KIF18A: variants seen among roughly 807,000 people sequenced by gnomAD.
KIF18A encodes the protein kinesin family member 18A.
KIF18A carries 67 observed loss-of-function variants against 103.3 expected under a neutral mutation model. That is an observed-to-expected ratio of 0.65 (90% CI 0.53 to 0.79). The LOEUF is 0.79. Among genes scored for constraint, KIF18A ranks in the 30% least tolerant of loss-of-function variants. The pLI is 0.00. For synonymous variants in KIF18A, 367 were observed against 355.5 expected (o/e 1.03, Z -0.36); for missense variants, 1,032 against 1,062.5 (o/e 0.97, Z 0.40).
At position 28,087,769 on chromosome 11, in the gene KIF18A, T is replaced by C. The variant is rs186637344; in HGVS notation, c.897+755A>G. On this transcript the variant is annotated intron_variant, in intron 6 of 16. Transcript: ENST00000263181. Reference sequence around the variant, plus strand: ...CATCTGTTGTTTCCTGACTTTTTAATGATCGCCATTCTAACTGGCATGAGA... The same window carrying C: ...CATCTGTTGTTTCCTGACTTTTTAACGATCGCCATTCTAACTGGCATGAGA... Among the ~76,000 whole-genome samples the C allele has an allele frequency of 2.2e-3, 337 of 152,326 alleles. 2 individuals are homozygous for C. The highest frequency in any genetic ancestry group is 1.5e-3 in the East Asian group (8 of 5,180).
intron 9 of KIF18A, among the ~76,000 whole-genome samples, chr11:28,079,363 CAG>C (rs1295170725): frequency 6.6e-6 from 1 of 151,904 alleles, no homozygotes; most frequent in Non-Finnish European, 1.5e-5. Flanking sequence ...AATACTATAT[CAG>C]AGTTAAAAGT....
intron 1 of KIF18A, among the ~76,000 whole-genome samples, chr11:28,101,783 T>C (rs1281111129): frequency 6.6e-6 from 1 of 152,166 alleles, no homozygotes; most frequent in African/African-American, 2.4e-5. Context: ...CAGTGCTTTA[T>C]AAGACTATAA....
chr11:28,095,014 C>T (rs1005442539), intron 2 of KIF18A, among the ~76,000 whole-genome samples: 2 of 152,110 alleles, frequency 1.3e-5, no homozygotes, highest in African/African-American at 4.8e-5. Context: ...ATCACTACCC[C>T]CGGCCCCCCA....
intron 1 of KIF18A, 127 bp from the exon 2 acceptor site, chr11:28,098,120 G>A (rs1851399266): frequency 3.7e-6 from 2 of 536,380 alleles, no homozygotes; most frequent in Non-Finnish European, 6.5e-6. Context: ...AACACTGGGG[G>A]AAAAATACAT....
At chr11:28,074,922 G>A (rs1379635784) in intron 10 of KIF18A, among the ~76,000 whole-genome samples, 1 of 151,924 alleles carries the variant, frequency 6.6e-6, no homozygotes, top group Non-Finnish European at 1.5e-5. Context: ...AATGAATATC[G>A]AAACTGGGGA....
intron 1 of KIF18A, among the ~76,000 whole-genome samples, chr11:28,101,338 T>C (rs1851444269): frequency 6.6e-6 from 1 of 152,228 alleles, no homozygotes; most frequent in African/African-American, 2.4e-5. Context: ...AGATTAAATA[T>C]ACATAAATGA....
In KIF18A at chr11:28,095,942, T is replaced by A. The variant is rs117192408; in HGVS notation, c.326-1142A>T. Among the ~76,000 whole-genome samples, 204 of 151,132 alleles carry A rather than the reference T, an allele frequency of 1.3e-3. 4 individuals carry two copies. The East Asian group carries it at 0.033, about 25-fold the overall frequency. Reference sequence around the variant, plus strand: ...GGGAGGATTGCTTAAGCCCAGCAGGTTGAGGCTGCAGTGAGCTGTGATTGT... The same window carrying A: ...GGGAGGATTGCTTAAGCCCAGCAGGATGAGGCTGCAGTGAGCTGTGATTGT... On this transcript the variant is annotated intron_variant, in intron 2 of 16. Coordinates refer to ENST00000263181, the MANE Select transcript of KIF18A (RefSeq NM_031217.4).
intron 10 of KIF18A, among the ~76,000 whole-genome samples, chr11:28,072,599 CACCCAATA>C (rs1310366055): frequency 2.6e-5 from 4 of 152,036 alleles, no homozygotes. Context: ...GGGTTAACTA[CACCCAATA>C]ACTCAAGAGT....
intron 1 of KIF18A, among the ~76,000 whole-genome samples, chr11:28,103,626 A>G (rs12270335): frequency 0.15 from 23,107 of 152,104 alleles, 1,908 homozygotes; most frequent in East Asian, 0.28. Flanking sequence ...CTATTCTCTC[A>G]TAGAGAGTCT....
chr11:28,107,500 C>T (rs1055405783), intron 1 of KIF18A, among the ~76,000 whole-genome samples: 1 of 152,158 alleles, frequency 6.6e-6, no homozygotes, highest in African/African-American at 2.4e-5. Flanking sequence ...TCATCTGATC[C>T]TCGGCAATCC....
chr11:28,084,108 TACAG>T (rs1851198324), intron 7 of KIF18A, among the ~76,000 whole-genome samples: 1 of 152,124 alleles, frequency 6.6e-6, no homozygotes, highest in Non-Finnish European at 1.5e-5. Flanking sequence ...TCTGGAGAAA[TACAG>T]AGATTGGTAC....
At chr11:28,034,802 G>C (rs1850461148) in intron 15 of KIF18A, among the ~76,000 whole-genome samples, 1 of 151,684 alleles carries the variant, frequency 6.6e-6, no homozygotes, top group African/African-American at 2.4e-5. Context: ...GCTGTCTATA[G>C]CATGTTTCTC....
intron 9 of KIF18A, 66 bp downstream of exon 9, chr11:28,082,785 TTAACA>T: frequency 1.1e-6 from 1 of 893,646 alleles, no homozygotes; most frequent in Middle Eastern, 2.9e-4. Flanking sequence ...CAAATGATAA[TTAACA>T]TAAAATACTT....
chr11:28,102,805 C>A lies in KIF18A; in HGVS notation c.-46-4812G>T, dbSNP rs190287259. On this transcript the variant is annotated intron_variant, in intron 1 of 16. Coordinates refer to ENST00000263181, the MANE Select transcript of KIF18A (RefSeq NM_031217.4). ...ATTAATCTATGTTCAAATATACTTA[C>A]ATCTGCAGGAATTAATGAGATCGTT... Among the ~76,000 whole-genome samples the A allele has an allele frequency of 1.6e-4, 25 of 152,286 alleles. No homozygotes were observed. In the East Asian group the frequency reaches 4.2e-3, roughly 26 times the overall value.
chr11:28,085,933 A>G (rs955966229), intron 6 of KIF18A, among the ~76,000 whole-genome samples: 2 of 152,206 alleles, frequency 1.3e-5, no homozygotes, highest in African/African-American at 4.8e-5. Context: ...AGAATCTTAC[A>G]GGATTATTCA....
intron 13 of KIF18A, among the ~76,000 whole-genome samples, chr11:28,054,236 A>G (rs1278562219): frequency 1.3e-5 from 2 of 149,890 alleles, no homozygotes; most frequent in Non-Finnish European, 3.0e-5. Flanking sequence ...TTTGAGACAG[A>G]GTCTTGCTTT....
At chr11:28,021,362 AT>A in intron 16 of KIF18A, 80 bp from the exon 17 acceptor site, 1 of 1,135,740 alleles carries the variant, frequency 8.8e-7, no homozygotes, top group Non-Finnish European at 1.1e-6. Flanking sequence ...TATAAAAATT[AT>A]GACCATAGAA....
At chr11:28,099,450 C>T (rs1851419038) in intron 1 of KIF18A, among the ~76,000 whole-genome samples, 2 of 151,992 alleles carry the variant, frequency 1.3e-5, no homozygotes, top group Admixed American at 6.6e-5. Context: ...GCTAAGAGTA[C>T]ATTTTAAATG....
chr11:28,077,244 G>T, intron 9 of KIF18A, 75 bp from the exon 10 acceptor site: 2 of 1,026,978 alleles, frequency 1.9e-6, no homozygotes, highest in Non-Finnish European at 2.8e-6. Context: ...TAAGAGAAAT[G>T]CATAAACAAA....
Sources: gnomAD v4.1 joint callset for allele counts (sites outside exome capture counted in the v4.1 genomes callset) on GRCh38, gnomAD v4.1.1 for gene constraint, MANE v1.5 for transcripts, NCBI Gene and HGNC (gene_info 2026-07-23, HGNC 2026-07-21) for gene names.